The following ZP2 variants were observed in gnomAD, a reference collection of about 807,000 sequenced individuals.
ZP2 encodes zona pellucida glycoprotein 2.
In ZP2, 51 loss-of-function variants were observed where a neutral mutation model predicts 84.0. The ratio of observed to expected loss-of-function variants is 0.61; its 90% CI spans 0.49 to 0.77. The LOEUF is 0.77. Ranked by LOEUF, ZP2 falls within the 30% of genes least tolerant of loss-of-function variation. ZP2 has a pLI of 0.00. For missense variants in ZP2, 909 were observed against 911.9 expected (o/e 1.00, Z 0.04); for synonymous variants, 375 against 330.9 (o/e 1.13, Z -1.45).
At position 21,197,574 on chromosome 16, in the gene ZP2, T is replaced by G. The variant is rs1170674554; in HGVS notation, c.2144A>C (p.Lys715Thr). 1 of 1,614,182 alleles carries G rather than the reference T, an allele frequency of 6.2e-7. No individual in the cohort carries two copies. The highest frequency in any genetic ancestry group is 1.1e-5 in the South Asian group (1 of 91,080). ...GHKTAGDVGSKAVAAVAAFAG... is the reference protein window; with the variant it reads ...GHKTAGDVGSTAVAAVAAFAG... ...AAAGGCAGCCACAGCAGCCACAGCT[T>G]TGGAACCAACATCTCCAGCAGTCTT... Residue 715 changes from lysine to threonine, a missense_variant, in exon 19 of 19, where the codon AAA (lysine) becomes ACA (threonine). By Grantham distance (78) the Lys-to-Thr change is moderately conservative. Transcript: ENST00000574091.
chr16:21,210,204 AG>A lies in ZP2; in HGVS notation c.152-13del, dbSNP rs753003260. ...GCAAGTGACAGTGCCTAAGGAGCAAAGGAAGCATTTGGGGGCTTTGAGTCAT... is the reference window on the plus strand; with the variant it reads ...GCAAGTGACAGTGCCTAAGGAGCAAAGAAGCATTTGGGGGCTTTGAGTCAT... On this transcript the variant is annotated splice_polypyrimidine_tract_variant and intron_variant, in intron 2 of 18. Coordinates refer to ENST00000574091, the MANE Select transcript of ZP2 (RefSeq NM_001376232.1). 3 of 1,613,026 alleles carry A rather than the reference AG, an allele frequency of 1.9e-6. No individual in the cohort carries two copies. Among genetic ancestry groups the A allele is most frequent in the Admixed American group, 1.7e-5 (1 of 60,014 alleles).
In ZP2 at chr16:21,198,780, T is replaced by G. The variant is rs2093211165; in HGVS notation, c.2010A>C (p.Arg670Ser). 6.2e-7 allele frequency: 1 copy of G among 1,613,818 alleles called. No individual in the cohort carries two copies. The highest frequency in any genetic ancestry group is 1.3e-5 in the African/African-American group (1 of 74,936). The change falls in exon 17 of 19, where the codon AGA (arginine) becomes AGC (serine). Residue 670 changes from arginine (R) to serine (S), a missense_variant and splice_region_variant. Physicochemically the swap from Arg to Ser is moderately radical, Grantham distance 110 (BLOSUM62 -1). Transcript: ENST00000574091. Reference protein sequence around the residue: ...ILLLSDDSSFRGVGSSDLKAS... With the variant: ...ILLLSDDSSFSGVGSSDLKAS... ...GTACTCCAGGCTTTAGGTCCATACC[T>G]CTGAATGAGGAGTCATCTGACAACA...
chr16:21,202,420 T>G, intron 10 of ZP2, 129 bp from the exon 11 acceptor site: 1 of 796,538 alleles, frequency 1.3e-6, no homozygotes, highest in Non-Finnish European at 1.8e-6. Context: ...CTTGAAGTCT[T>G]TATGAGGGAA....
Position 21,197,520 on chromosome 16 carries a change from A to T in ZP2, c.2198T>A (p.Ile733Asn), listed in dbSNP as rs1253736696. ...AGTCCTTTTCTCGTACAGGTAGTAG[A>T]TGAAGCCTAGAGTTGCCACCACACC... ...FAGVVATLGF[I>N]YYLYEKRTVS... Residue 733 changes from isoleucine to asparagine, a missense_variant, in exon 19 of 19, where the codon ATC becomes AAC. Transcript: ENST00000574091. 1 of 1,614,194 alleles carries T rather than the reference A, an allele frequency of 6.2e-7. No individual in the cohort carries two copies. Among genetic ancestry groups the T allele is most frequent in the Admixed American group, 1.7e-5 (1 of 60,018 alleles).
At chr16:21,208,497 T>C (rs966467921) in intron 4 of ZP2, among the ~76,000 whole-genome samples, 1 of 152,168 alleles carries the variant, frequency 6.6e-6, no homozygotes, top group African/African-American at 2.4e-5. Context: ...TCAGATGGTA[T>C]AGACTGTTAG....
chr16:21,214,162 G>A, upstream of ZP2: 2 of 880,548 alleles, frequency 2.3e-6, no homozygotes, highest in Non-Finnish European at 2.7e-6. Context: ...GAGATGTGGT[G>A]AGAAAGCCCG....
At chr16:21,210,640 T>C (rs888203533) in intron 2 of ZP2, among the ~76,000 whole-genome samples, 3 of 152,140 alleles carry the variant, frequency 2.0e-5, no homozygotes, top group African/African-American at 7.2e-5. Flanking sequence ...AGTGGCACGA[T>C]CTCAACCCAC....
chr16:21,211,180 T>G, intron 2 of ZP2, 127 bp downstream of exon 2: 1 of 800,136 alleles, frequency 1.2e-6, no homozygotes, highest in East Asian at 2.4e-5. Context: ...TCCAGTAACC[T>G]GACCAAGGTA....
At chr16:21,214,183 G>A (rs1415713903), upstream of ZP2, 1 of 951,152 alleles carries the variant, frequency 1.1e-6, no homozygotes, top group South Asian at 4.9e-5. Context: ...CTGTGGGCTG[G>A]TGAAGCTGGT....
At chr16:21,202,396 G>T in intron 10 of ZP2, 105 bp from the exon 11 acceptor site, 1 of 1,072,666 alleles carries the variant, frequency 9.3e-7, no homozygotes, top group Non-Finnish European at 1.3e-6. Flanking sequence ...TTAGCAGGAG[G>T]CATCAGAATC....
intron 2 of ZP2, 141 bp downstream of exon 2, chr16:21,211,164 GAA>G (rs1567217965): frequency 8.3e-6 from 6 of 722,914 alleles, no homozygotes; most frequent in Non-Finnish European, 2.4e-6. Context: ...GTTAGCAGAA[GAA>G]AGATCCAGTA....
At chr16:21,209,975 G>T in intron 3 of ZP2, 134 bp downstream of exon 3, 1 of 810,866 alleles carries the variant, frequency 1.2e-6, no homozygotes, top group Non-Finnish European at 2.1e-6. Context: ...TGCAAATCAG[G>T]TATCCCCATG....
chr16:21,209,605 A>C, intron 4 of ZP2, 26 bp downstream of exon 4: 1 of 1,609,898 alleles, frequency 6.2e-7, no homozygotes. Context: ...GTACTTCCCC[A>C]AGAACTGCTC....
At chr16:21,203,677 G>A in intron 9 of ZP2, 1 of 387,878 alleles carries the variant, frequency 2.6e-6, no homozygotes. Flanking sequence ...CAACAGTACG[G>A]GACCCTTTTG....
chr16:21,198,598 G>A (rs1489320517), intron 17 of ZP2, among the ~76,000 whole-genome samples, 181 bp downstream of exon 17: 3 of 152,184 alleles, frequency 2.0e-5, no homozygotes, highest in Admixed American at 6.5e-5. Flanking sequence ...TTGTGTTGAA[G>A]TGATTTCTAG....
At position 21,199,793 on chromosome 16, in the gene ZP2, C is replaced by G. The variant is rs1467733682; in HGVS notation, c.1780G>C (p.Asp594His). The change falls in exon 15 of 19, where the codon GAC becomes CAC. Residue 594 changes from aspartate (D) to histidine (H), a missense_variant. Transcript: ENST00000574091. ...VTHPDHYQRF[D>H]MKAFAFVSEA... ...GATACAAAGGCAAAAGCCTTCATGT[C>G]AAACCTCTGATAGTGATCAGGATGG... The G allele has an allele frequency of 1.2e-6, 2 of 1,614,052 alleles. No homozygotes were observed. The highest frequency in any genetic ancestry group is 1.1e-5 in the South Asian group (1 of 91,062).
chr16:21,200,732 A>T (rs1252998905), intron 14 of ZP2, among the ~76,000 whole-genome samples: 1 of 152,210 alleles, frequency 6.6e-6, no homozygotes, highest in Non-Finnish European at 1.5e-5. Flanking sequence ...TTCATGAAAG[A>T]CGAAGACTAG....
At chr16:21,202,363 T>C (rs1330276872) in intron 10 of ZP2, 72 bp from the exon 11 acceptor site, 2 of 1,333,088 alleles carry the variant, frequency 1.5e-6, no homozygotes, top group Non-Finnish European at 2.0e-6. Flanking sequence ...CAACCTGATA[T>C]GCTACGAGGG....
At chr16:21,211,248 C>A in intron 2 of ZP2, 59 bp downstream of exon 2, 1 of 1,495,362 alleles carries the variant, frequency 6.7e-7, no homozygotes, top group East Asian at 2.3e-5. Context: ...GCCAGCTAGG[C>A]CTTCCAGCTG....
Sources: gnomAD v4.1 joint callset for allele counts (sites outside exome capture counted in the v4.1 genomes callset) on GRCh38, gnomAD v4.1.1 for gene constraint, MANE v1.5 for transcripts, NCBI Gene and HGNC (gene_info 2026-07-23, HGNC 2026-07-21) for gene names.